Variants in MRPS27 observed in about 807,000 individuals in gnomAD.
MRPS27 encodes small ribosomal subunit protein mS27.
In MRPS27, 43 loss-of-function variants were observed where a neutral mutation model predicts 48.9. That is an observed-to-expected ratio of 0.88 (90% CI 0.69 to 1.13). MRPS27 has a LOEUF of 1.13. MRPS27 is among the 50% of genes most tolerant of loss of function. The pLI is 0.00. For missense variants in MRPS27, 467 were observed against 476.3 expected (o/e 0.98, Z 0.18); for synonymous variants, 188 against 171.9 (o/e 1.09, Z -0.73).
At chr5:72,317,866 C>A (rs751652656) in intron 1 of MRPS27, among the ~76,000 whole-genome samples, 3 of 152,142 alleles carry the variant, frequency 2.0e-5, no homozygotes, top group Non-Finnish European at 4.4e-5. Flanking sequence ...AAGTCTCTTA[C>A]ATAAAATTGC....
chr5:72,227,852 T>C (rs1234162923), intron 8 of MRPS27: 1 of 194,862 alleles, frequency 5.1e-6, no homozygotes, highest in Non-Finnish European at 1.0e-5. Context: ...CTGAAAACAA[T>C]ACCAAAGATA....
At chr5:72,251,319 CAG>C (rs1037100825) in intron 4 of MRPS27, among the ~76,000 whole-genome samples, 1 of 152,174 alleles carries the variant, frequency 6.6e-6, no homozygotes, top group African/African-American at 2.4e-5. Flanking sequence ...AAGGGGACAA[CAG>C]AGAGGCTTTT....
intron 1 of MRPS27, among the ~76,000 whole-genome samples, chr5:72,318,962 GT>G (rs1366202186): frequency 6.6e-6 from 1 of 152,154 alleles, no homozygotes; most frequent in Non-Finnish European, 1.5e-5. Flanking sequence ...GACATTAAAC[GT>G]TTTCACCAGG....
intron 4 of MRPS27, among the ~76,000 whole-genome samples, chr5:72,243,132 G>C (rs1314701509): frequency 6.6e-6 from 1 of 152,168 alleles, no homozygotes; most frequent in Non-Finnish European, 1.5e-5. Context: ...AGGGGGTCAG[G>C]GTAAAGGGAG....
intron 1 of MRPS27, chr5:72,314,709 C>G (rs1750524077): frequency 6.6e-6 from 1 of 152,224 alleles, no homozygotes; most frequent in Admixed American, 6.5e-5. Context: ...ATGGATAAAA[C>G]TGCTAATTTT....
At chr5:72,277,622 A>G (rs933217621) in intron 4 of MRPS27, among the ~76,000 whole-genome samples, 1 of 152,186 alleles carries the variant, frequency 6.6e-6, no homozygotes, top group Non-Finnish European at 1.5e-5. Context: ...GAAAAGAAAA[A>G]AAAAGATACA....
intron 4 of MRPS27, among the ~76,000 whole-genome samples, chr5:72,249,738 T>A (rs1409314978): frequency 1.5e-5 from 2 of 129,078 alleles, no homozygotes; most frequent in African/African-American, 5.9e-5. Flanking sequence ...TCCCAGCACT[T>A]TGGGAGGCCG....
rs138763630 is a variant in MRPS27, at chr5:72,295,966, T to C, written c.223-377A>G. Among the ~76,000 whole-genome samples the C allele has an allele frequency of 8.9e-4, 136 of 152,268 alleles. 1 individual carries two copies. The Middle Eastern group carries it at 0.02, about 23-fold the overall frequency. Reference sequence around the variant, plus strand: ...TTTATGTTCCAAACATGGGAACATATGGCTGAAAAAATGAAGACTCTGATG... The same window carrying C: ...TTTATGTTCCAAACATGGGAACATACGGCTGAAAAAATGAAGACTCTGATG... On this transcript the variant is annotated intron_variant, in intron 3 of 10. Coordinates refer to ENST00000261413, the MANE Select transcript of MRPS27 (RefSeq NM_015084.3).
intron 2 of MRPS27, among the ~76,000 whole-genome samples, chr5:72,306,263 T>C (rs1189672387): frequency 6.6e-6 from 1 of 152,222 alleles, no homozygotes; most frequent in East Asian, 1.9e-4. Flanking sequence ...ACAGCAATAG[T>C]ATGCAGCTTC....
intron 4 of MRPS27, chr5:72,241,747 C>T: frequency 1.3e-6 from 2 of 1,497,556 alleles, no homozygotes; most frequent in South Asian, 1.2e-5. Flanking sequence ...TTCCAATTTG[C>T]CTGCAAACAG....
At chr5:72,271,644 A>G (rs553139592) in intron 4 of MRPS27, among the ~76,000 whole-genome samples, 7 of 152,214 alleles carry the variant, frequency 4.6e-5, no homozygotes, top group Non-Finnish European at 1.0e-4. Context: ...TAATGAGACA[A>G]CTGACAAAAT....
intron 4 of MRPS27, among the ~76,000 whole-genome samples, chr5:72,282,709 T>C (rs2112036323): frequency 6.6e-6 from 1 of 152,304 alleles, no homozygotes; most frequent in South Asian, 2.1e-4. Flanking sequence ...TTGTGGGCCT[T>C]GCAGGAAAAA....
chr5:72,245,634 T>A (rs1012482953), intron 4 of MRPS27, among the ~76,000 whole-genome samples: 1 of 152,090 alleles, frequency 6.6e-6, no homozygotes, highest in Non-Finnish European at 1.5e-5. Context: ...CCAGAATTTC[T>A]GGAGTATGCT....
At chr5:72,318,115 TG>T (rs1750610940) in intron 1 of MRPS27, among the ~76,000 whole-genome samples, 1 of 152,262 alleles carries the variant, frequency 6.6e-6, no homozygotes, top group African/African-American at 2.4e-5. Context: ...AAAACTGTCC[TG>T]GGCTGAGGGT....
intron 4 of MRPS27, among the ~76,000 whole-genome samples, chr5:72,281,737 C>T (rs887858297): frequency 2.0e-5 from 3 of 152,316 alleles, no homozygotes; most frequent in Admixed American, 6.5e-5. Context: ...TTATTACCTG[C>T]TATTATTCAG....
intron 7 of MRPS27, among the ~76,000 whole-genome samples, chr5:72,231,561 T>G (rs1222086692): frequency 6.6e-6 from 1 of 152,194 alleles, no homozygotes; most frequent in Non-Finnish European, 1.5e-5. Context: ...CACTTGCCAA[T>G]GTATGGAATT....
intron 4 of MRPS27, among the ~76,000 whole-genome samples, chr5:72,276,650 T>C (rs897842416): frequency 3.3e-5 from 5 of 151,902 alleles, no homozygotes; most frequent in African/African-American, 4.8e-5. Flanking sequence ...AGGAGGAAAT[T>C]TGTGCAACCT....
intron 2 of MRPS27, among the ~76,000 whole-genome samples, chr5:72,298,040 A>C (rs1750026088): frequency 6.6e-6 from 1 of 152,174 alleles, no homozygotes; most frequent in South Asian, 2.1e-4. Flanking sequence ...AAAAACAAAA[A>C]TTGACAAGTG....
chr5:72,283,504 C>G (rs985495226), intron 4 of MRPS27, among the ~76,000 whole-genome samples: 2 of 152,156 alleles, frequency 1.3e-5, no homozygotes, highest in Admixed American at 6.5e-5. Flanking sequence ...AAGGGACTCA[C>G]TTAGTCTATC....
Sources: gnomAD v4.1 joint callset for allele counts (sites outside exome capture counted in the v4.1 genomes callset) on GRCh38, gnomAD v4.1.1 for gene constraint, MANE v1.5 for transcripts, NCBI Gene and HGNC (gene_info 2026-07-23, HGNC 2026-07-21) for gene names.